The following GRIA1 variants were observed in gnomAD, a reference collection of about 807,000 sequenced individuals.
GRIA1 encodes the protein glutamate receptor 1.
In GRIA1, 31 loss-of-function variants were observed where a neutral mutation model predicts 99.2. The observed-to-expected ratio is 0.31, with a 90% CI of 0.23 to 0.42. GRIA1 has a LOEUF of 0.42. Among genes scored for constraint, GRIA1 ranks in the 10% least tolerant of loss-of-function variants. The pLI is 1.00. For missense variants in GRIA1, 782 were observed against 1,157.5 expected, an observed-to-expected ratio of 0.68 and a Z score of 4.71; for synonymous variants, 438 against 432.4, an observed-to-expected ratio of 1.01 and a Z score of -0.16.
chr5:153,795,328 G>C (rs907243020), intron 14 of GRIA1: 1 of 552,964 alleles, frequency 1.8e-6, no homozygotes, highest in Non-Finnish European at 3.3e-6. Context: ...TGACATGGTG[G>C]GGCGGGGCCA....
chr5:153,671,659 C>T (rs1756185991), intron 5 of GRIA1, among the ~76,000 whole-genome samples: 1 of 152,176 alleles, frequency 6.6e-6, no homozygotes, highest in African/African-American at 2.4e-5. Flanking sequence ...GTATTTGCTG[C>T]CTGCTGGTCA....
At chr5:153,578,148 CAAAAAAAA>C (rs60901793) in intron 2 of GRIA1, among the ~76,000 whole-genome samples, 54 of 69,326 alleles carry the variant, frequency 7.8e-4, no homozygotes, top group African/African-American at 2.5e-3. Context: ...GAGACTCTGT[CAAAAAAAA>C]AAAAAAAAAA....
chr5:153,591,974 G>A (rs555209673), intron 2 of GRIA1, among the ~76,000 whole-genome samples: 2 of 152,262 alleles, frequency 1.3e-5, no homozygotes, highest in South Asian at 4.1e-4. Flanking sequence ...TAGTGTGTGA[G>A]GAGGGAAAGC....
intron 11 of GRIA1, 69 bp downstream of exon 11, chr5:153,706,136 T>TTTGTTTA: frequency 1.7e-6 from 1 of 572,972 alleles, no homozygotes; most frequent in Non-Finnish European, 2.5e-6. Flanking sequence ...TTGTTTGTTT[T>TTTGTTTA]TTAAATACTG....
chr5:153,701,619 C>CAAAAAAAAAAAAAAAA (rs70978504), intron 10 of GRIA1, among the ~76,000 whole-genome samples: 2,754 of 39,264 alleles, frequency 0.07, 643 homozygotes, highest in East Asian at 0.27. Context: ...AGACCCGTCT[C>CAAAAAAAAAAAAAAAA]AAAAAAAAAA....
chr5:153,577,118 G>C, intron 2 of GRIA1, among the ~76,000 whole-genome samples: 1 of 135,964 alleles, frequency 7.4e-6, no homozygotes, highest in Non-Finnish European at 1.6e-5. Context: ...GGATAAGTGG[G>C]TAGATGAATG....
Position 153,647,015 on chromosome 5 carries a change from C to A in GRIA1, c.308C>A (p.Ala103Asp). The change falls in exon 3 of 16, where the codon GCC (alanine) becomes GAC (aspartate). Residue 103 changes from alanine (A) to aspartate (D), a missense_variant. Ala to Asp is a moderately radical substitution (Grantham distance 126). Coordinates refer to ENST00000285900, the MANE Select transcript of GRIA1 (RefSeq NM_000827.4). ...TVNMLTSFCG[A>D]LHVCFITPSF... ...AACATGCTGACCTCCTTTTGTGGGGCCCTCCACGTCTGCTTCATTACGCCG... is the reference window on the plus strand; with the variant it reads ...AACATGCTGACCTCCTTTTGTGGGGACCTCCACGTCTGCTTCATTACGCCG... 1 of 1,613,952 alleles carries A rather than the reference C, an allele frequency of 6.2e-7. No individual in the cohort carries two copies. The highest frequency in any genetic ancestry group is 8.5e-7 in the Non-Finnish European group (1 of 1,179,892).
At chr5:153,559,627 A>G (rs1345736421) in intron 2 of GRIA1, among the ~76,000 whole-genome samples, 1 of 152,212 alleles carries the variant, frequency 6.6e-6, no homozygotes, top group Non-Finnish European at 1.5e-5. Context: ...CTGGCAGCAC[A>G]GTAGGTTTCT....
intron 7 of GRIA1, among the ~76,000 whole-genome samples, chr5:153,681,170 A>G (rs1460640734): frequency 1.3e-5 from 2 of 152,172 alleles, no homozygotes; most frequent in Non-Finnish European, 2.9e-5. Context: ...TAAGAGAAGG[A>G]GCGTGATAGA....
intron 13 of GRIA1, among the ~76,000 whole-genome samples, chr5:153,788,264 T>C (rs1451494158): frequency 2.0e-5 from 3 of 152,158 alleles, no homozygotes; most frequent in Non-Finnish European, 4.4e-5. Flanking sequence ...ACTCAAAATG[T>C]ATCCTGAACG....
At chr5:153,721,650 C>T (rs1355915041) in intron 11 of GRIA1, among the ~76,000 whole-genome samples, 1 of 152,070 alleles carries the variant, frequency 6.6e-6, no homozygotes, top group Non-Finnish European at 1.5e-5. Flanking sequence ...TCTTTTTGCC[C>T]AATATTATAT....
At chr5:153,602,798 G>A (rs948149720) in intron 2 of GRIA1, among the ~76,000 whole-genome samples, 1 of 151,990 alleles carries the variant, frequency 6.6e-6, no homozygotes, top group African/African-American at 2.4e-5. Context: ...AGGCCAAAGT[G>A]TTTTCATTTT....
At position 153,711,983 on chromosome 5, in the gene GRIA1, G is replaced by A. The variant is rs537655610; in HGVS notation, c.1823+5916G>A. Reference sequence around the variant, plus strand: ...CTCAGGAGAAGAAGTCTAAGGCGGGGGGAGTGATGGTGCTTTGGAGGTCTC... The same window carrying A: ...CTCAGGAGAAGAAGTCTAAGGCGGGAGGAGTGATGGTGCTTTGGAGGTCTC... On this transcript the variant is annotated intron_variant, in intron 11 of 15. Transcript: ENST00000285900. Among the ~76,000 whole-genome samples the A allele has an allele frequency of 1.1e-4, 17 of 152,280 alleles. No homozygotes were observed. In the Middle Eastern group the frequency reaches 0.017, roughly 152 times the overall value.
chr5:153,813,300 A>AG lies in GRIA1; in HGVS notation c.*2078dup, dbSNP rs1327414906. 1 of 152,232 alleles carries AG rather than the reference A, an allele frequency of 6.6e-6. No homozygotes were observed. Among genetic ancestry groups the AG allele is most frequent in the East Asian group, 1.9e-4 (1 of 5,196 alleles). 9.4% of individuals were successfully genotyped at this position (152,232 alleles called of 1,614,324 possible). A position where few individuals can be genotyped will look rare whatever the true frequency, so the allele number is the denominator to read the frequency against. On this transcript the variant is annotated 3_prime_UTR_variant, in exon 16 of 16. Transcript: ENST00000285900. The stretch of plus-strand genomic sequence containing the variant: ...GCAGAATCCGATGTGACCCACCATT[A>AG]GGGAGTCTGCATCTTGGAAGAGTTG...
At chr5:153,675,490 C>A (rs1756505908) in intron 6 of GRIA1, among the ~76,000 whole-genome samples, 1 of 152,168 alleles carries the variant, frequency 6.6e-6, no homozygotes, top group Non-Finnish European at 1.5e-5. Context: ...GCGAATGATT[C>A]TTTTTCTGAA....
chr5:153,712,832 G>A (rs532624617), intron 11 of GRIA1, among the ~76,000 whole-genome samples: 6 of 152,136 alleles, frequency 3.9e-5, no homozygotes, highest in African/African-American at 9.7e-5. Flanking sequence ...GACCCTCTGC[G>A]TCAGAATTAC....
At chr5:153,769,852 G>A (rs1031651304) in intron 12 of GRIA1, among the ~76,000 whole-genome samples, 2 of 151,860 alleles carry the variant, frequency 1.3e-5, no homozygotes, top group Admixed American at 6.6e-5. Context: ...CAATAGATAG[G>A]TCCTTTAATG....
At chr5:153,529,661 C>T (rs1259668008) in intron 2 of GRIA1, among the ~76,000 whole-genome samples, 1 of 152,140 alleles carries the variant, frequency 6.6e-6, no homozygotes, top group Non-Finnish European at 1.5e-5. Context: ...TGCAGGATTG[C>T]AGACTTGGAA....
intron 2 of GRIA1, among the ~76,000 whole-genome samples, chr5:153,590,506 ATGTGTGTGTG>A (rs5872325): frequency 0.16 from 24,186 of 147,706 alleles, 2,049 homozygotes; most frequent in South Asian, 0.28. Flanking sequence ...AGCTATTGAA[ATGTGTGTGTG>A]TGTGTGTGTG....
Sources: allele counts gnomAD v4.1 joint callset (sites outside exome capture counted in the v4.1 genomes callset), GRCh38; gene constraint gnomAD v4.1.1; transcripts MANE v1.5; gene names NCBI Gene and HGNC (gene_info 2026-07-23, HGNC 2026-07-21).